Variants in ETV1 observed in about 807,000 individuals in gnomAD.
ETV1 encodes ETS translocation variant 1.
In ETV1, 27 loss-of-function variants were observed where a neutral mutation model predicts 62.3. That is an observed-to-expected ratio of 0.43 (90% CI 0.32 to 0.60). The LOEUF is 0.60. ETV1 is among the 20% of genes least tolerant of loss of function. The probability of loss-of-function intolerance (pLI) is 0.06; values close to 1 mark genes in which losing one functional copy is unlikely to be tolerated. For synonymous variants in ETV1, 222 were observed against 199.6 expected, an observed-to-expected ratio of 1.11 and a Z score of -0.94; for missense variants, 605 against 605.8, an observed-to-expected ratio of 1.00 and a Z score of 0.01.
At chr7:13,937,991 G>T (rs978531343) in intron 7 of ETV1, among the ~76,000 whole-genome samples, 2 of 152,188 alleles carry the variant, frequency 1.3e-5, no homozygotes, top group African/African-American at 4.8e-5. Context: ...TGTTGCCCAG[G>T]CTGGAGTGCA....
chr7:13,990,301 A>T (rs1303730951), upstream of ETV1: 1 of 152,286 alleles, frequency 6.6e-6, no homozygotes, highest in East Asian at 1.9e-4. Context: ...AACATAAAGA[A>T]TCTATAAGGA....
chr7:13,982,233 T>C (rs1189140138), intron 5 of ETV1, among the ~76,000 whole-genome samples: 2 of 151,946 alleles, frequency 1.3e-5, no homozygotes, highest in African/African-American at 4.8e-5. Flanking sequence ...AGCCAAATAT[T>C]TTCTCTAATG....
At position 13,895,202 on chromosome 7, in the gene ETV1, CT is replaced by C; in HGVS notation, c.*663del. The stretch of plus-strand genomic sequence containing the variant: ...GGCGCCAGAGTCCAAAATTGTGCCC[CT>C]CATTTACAGTCATGGTGATTATTCA... On this transcript the variant is annotated 3_prime_UTR_variant, in exon 14 of 14. Transcript: ENST00000430479. The C allele has an allele frequency of 4.3e-6, 1 of 233,508 alleles. No individual in the cohort carries two copies. The highest frequency in any genetic ancestry group is 8.5e-6 in the Non-Finnish European group (1 of 117,948). The allele number at this position is 233,508 out of a possible 1,614,324, so 14.5% of individuals were successfully genotyped here.
intron 13 of ETV1, among the ~76,000 whole-genome samples, chr7:13,896,371 G>C (rs994418567): frequency 6.6e-6 from 1 of 152,036 alleles, no homozygotes; most frequent in Non-Finnish European, 1.5e-5. Context: ...TCTTAATATA[G>C]AGGTAAACTT....
intron 6 of ETV1, among the ~76,000 whole-genome samples, chr7:13,967,876 A>C (rs1044244028): frequency 6.6e-6 from 1 of 152,044 alleles, no homozygotes; most frequent in African/African-American, 2.4e-5. Flanking sequence ...TGACTGCTTT[A>C]TTTTAGTTTC....
intron 9 of ETV1, among the ~76,000 whole-genome samples, chr7:13,914,518 G>T (rs746298745): frequency 5.5e-5 from 8 of 146,688 alleles, no homozygotes; most frequent in African/African-American, 1.0e-4. Context: ...AAGTTAAGAA[G>T]AATAATAAAC....
rs886157065 is a variant in ETV1, at chr7:13,892,548, G to A, written c.*3318C>T. 7.3e-5 allele frequency: 17 copies of A among 232,662 alleles called. No individual in the cohort carries two copies. The highest frequency in any genetic ancestry group is 3.3e-4 in the African/African-American group (15 of 45,298). 14.4% of individuals were successfully genotyped at this position (232,662 alleles called of 1,614,324 possible). On this transcript the variant is annotated 3_prime_UTR_variant, in exon 14 of 14. Transcript: ENST00000430479. ...CCTCCGTGCGGTGTTCTGAATAACA[G>A]CCCTGCCCTCACCCCTTACATCCAT... is the stretch of plus-strand genomic sequence containing the variant.
Position 13,939,128 on chromosome 7 carries a change from C to T in ETV1, c.354G>A (p.Leu118=). 6.2e-7 allele frequency: 1 copy of T among 1,612,888 alleles called. No homozygotes were observed. Among genetic ancestry groups the T allele is most frequent in the African/African-American group, 1.3e-5 (1 of 74,998 alleles). The change falls in exon 7 of 14, where the codon CTG becomes CTA. Residue 118 remains leucine (L), a synonymous_variant. Transcript: ENST00000430479. ...PFKFSYGEKC[L]YNVSAYDQKP... Reference sequence around the variant, plus strand: ...CCTGGTGGCTTTACCTGACATTGTACAGGCACTTTTCTCCATAGCTGAATT... The same window carrying T: ...CCTGGTGGCTTTACCTGACATTGTATAGGCACTTTTCTCCATAGCTGAATT...
chr7:13,909,287 CT>C (rs544386561), intron 11 of ETV1, among the ~76,000 whole-genome samples: 6 of 152,160 alleles, frequency 3.9e-5, no homozygotes, highest in Non-Finnish European at 8.8e-5. Flanking sequence ...TTCTGCTCTG[CT>C]TTGTTAATTA....
intron 9 of ETV1, among the ~76,000 whole-genome samples, chr7:13,918,423 A>G (rs1784438036): frequency 6.6e-6 from 1 of 152,158 alleles, no homozygotes; most frequent in Non-Finnish European, 1.5e-5. Flanking sequence ...ATAAAGACAC[A>G]TGCACAAGTA....
chr7:13,934,668 C>G (rs755393195), intron 8 of ETV1, among the ~76,000 whole-genome samples: 1 of 152,212 alleles, frequency 6.6e-6, no homozygotes, highest in Non-Finnish European at 1.5e-5. Flanking sequence ...TCATCACTTT[C>G]TAATTATCTT....
rs532787188 is a variant in ETV1, at chr7:13,903,881, G to A, written c.1110+2549C>T. Among the ~76,000 whole-genome samples the A allele has an allele frequency of 2.6e-5, 4 of 151,978 alleles. No homozygotes were observed. The South Asian group carries it at 6.2e-4, about 24-fold the overall frequency. On this transcript the variant is annotated intron_variant, in intron 12 of 13. Coordinates refer to ENST00000430479, the MANE Select transcript of ETV1 (RefSeq NM_004956.5). ...GAAAAAGACATGTTAAAGATTATGC[G>A]TTTTCTAAAGTTACCCTAAACACAC...
chr7:13,926,759 C>G (rs1352705651), intron 9 of ETV1, among the ~76,000 whole-genome samples: 1 of 152,118 alleles, frequency 6.6e-6, no homozygotes, highest in East Asian at 1.9e-4. Context: ...AACCTAGTAT[C>G]ATGATACAAT....
chr7:13,986,605 C>T (rs759311373), intron 5 of ETV1, 33 bp downstream of exon 5: 15 of 1,610,210 alleles, frequency 9.3e-6, no homozygotes, highest in Non-Finnish European at 1.3e-5. Flanking sequence ...TCTAGAGTTG[C>T]TTTCCCCCCT....
chr7:13,917,990 G>A (rs1784380196), intron 9 of ETV1, among the ~76,000 whole-genome samples: 1 of 151,840 alleles, frequency 6.6e-6, no homozygotes, highest in Non-Finnish European at 1.5e-5. Flanking sequence ...GAAAAAGAAA[G>A]TATGATACAG....
At chr7:13,970,297 C>G (rs1176548332) in intron 6 of ETV1, among the ~76,000 whole-genome samples, 1 of 148,958 alleles carries the variant, frequency 6.7e-6, no homozygotes, top group African/African-American at 2.5e-5. Flanking sequence ...CACACACACA[C>G]ACACACACAC....
At chr7:13,914,818 C>T (rs1783975216) in intron 9 of ETV1, among the ~76,000 whole-genome samples, 1 of 152,150 alleles carries the variant, frequency 6.6e-6, no homozygotes, top group Admixed American at 6.5e-5. Flanking sequence ...TGGAGGCTCT[C>T]CTTTAGGGCA....
Position 13,892,591 on chromosome 7 carries a change from C to T in ETV1, c.*3275G>A, listed in dbSNP as rs938354671. The T allele has an allele frequency of 4.3e-6, 1 of 232,482 alleles. No homozygotes were observed. The highest frequency in any genetic ancestry group is 2.2e-5 in the African/African-American group (1 of 45,294). The allele number at this position is 232,482 out of a possible 1,614,324, so 14.4% of individuals were successfully genotyped here. A position where few individuals can be genotyped will look rare whatever the true frequency, so the allele number is the denominator to read the frequency against. On this transcript the variant is annotated 3_prime_UTR_variant, in exon 14 of 14. Transcript: ENST00000430479. ...ACATCCATGTCCTAATCCCTGGGAC[C>T]TATGAATAATTATCTAGCCAAAGGG...
At chr7:13,957,678 C>A (rs960408663) in intron 6 of ETV1, among the ~76,000 whole-genome samples, 3 of 152,174 alleles carry the variant, frequency 2.0e-5, no homozygotes, top group African/African-American at 7.2e-5. Context: ...TGCTGTAACT[C>A]CAGGTGTAAG....
Sources: gnomAD v4.1 joint callset for allele counts (sites outside exome capture counted in the v4.1 genomes callset) on GRCh38, gnomAD v4.1.1 for gene constraint, MANE v1.5 for transcripts, NCBI Gene and HGNC (gene_info 2026-07-23, HGNC 2026-07-21) for gene names.